Variants in RNMT observed in about 807,000 individuals in gnomAD.
RNMT encodes mRNA cap guanine-N(7) methyltransferase.
A neutral mutation model predicts 56.0 loss-of-function variants in RNMT; 27 were observed. The observed-to-expected ratio is 0.48, with a 90% CI of 0.36 to 0.67. RNMT has a LOEUF of 0.67. RNMT is among the 30% of genes least tolerant of loss of function. The probability of loss-of-function intolerance (pLI) is 0.00; values close to 1 mark genes in which losing one functional copy is unlikely to be tolerated. For synonymous variants in RNMT, 184 were observed against 176.2 expected, an observed-to-expected ratio of 1.04 and a Z score of -0.35; for missense variants, 519 against 552.1, an observed-to-expected ratio of 0.94 and a Z score of 0.60.
chr18:13,753,235 G>A (rs1261677099), intron 10 of RNMT, among the ~76,000 whole-genome samples: 3 of 152,092 alleles, frequency 2.0e-5, no homozygotes, highest in Non-Finnish European at 2.9e-5. Context: ...TTGGGAGGCC[G>A]AGGCAGGTGG....
intron 4 of RNMT, among the ~76,000 whole-genome samples, chr18:13,734,869 G>C (rs1468374164): frequency 3.9e-5 from 6 of 152,092 alleles, no homozygotes; most frequent in African/African-American, 1.4e-4. Context: ...TGGAGCAACT[G>C]CATATTGTTG....
At chr18:13,756,531 G>A (rs1455417052) in intron 11 of RNMT, among the ~76,000 whole-genome samples, 1 of 152,180 alleles carries the variant, frequency 6.6e-6, no homozygotes, top group Non-Finnish European at 1.5e-5. Flanking sequence ...GCACGCTGAT[G>A]TGTTGCAAGT....
Position 13,763,037 on chromosome 18 carries a change from C to T in RNMT, c.*3058C>T, listed in dbSNP as rs1278593972. ...CACCACAGAGGGTCTCTAGGGTCTG[C>T]AAAATAGAGGCCAAATCCAGGGACC... On this transcript the variant is annotated 3_prime_UTR_variant, in exon 12 of 12. Transcript: ENST00000383314. The T allele has an allele frequency of 2.2e-6, 1 of 455,718 alleles. No individual in the cohort carries two copies. Among genetic ancestry groups the T allele is most frequent in the Admixed American group, 2.4e-5 (1 of 42,542 alleles). 28.2% of individuals were successfully genotyped at this position (455,718 alleles called of 1,614,324 possible).
chr18:13,746,141 A>T, intron 8 of RNMT, 79 bp from the exon 9 acceptor site: 1 of 725,898 alleles, frequency 1.4e-6, no homozygotes, highest in East Asian at 2.5e-5. Flanking sequence ...AGTCCAGAAG[A>T]TGTCATTGCT....
chr18:13,762,140 G>A lies in RNMT; in HGVS notation c.*2161G>A, dbSNP rs1220747155. On this transcript the variant is annotated 3_prime_UTR_variant, in exon 12 of 12. Transcript: ENST00000383314. ...AGTGAAGTGGGGCACTCCCAGACCT[G>A]CCATGCAGTTTATCCTCTGAGAATG... 2 of 1,534,814 alleles carry A rather than the reference G, an allele frequency of 1.3e-6. No homozygotes were observed. Among genetic ancestry groups the A allele is most frequent in the East Asian group, 2.4e-5 (1 of 40,876 alleles).
At chr18:13,731,205 G>C (rs1200016267) in intron 2 of RNMT, among the ~76,000 whole-genome samples, 2 of 152,206 alleles carry the variant, frequency 1.3e-5, no homozygotes, top group East Asian at 3.9e-4. Flanking sequence ...TCAGGAGTTA[G>C]AGACCAGCCT....
intron 1 of RNMT, among the ~76,000 whole-genome samples, chr18:13,728,151 T>C (rs2043995663): frequency 6.6e-6 from 1 of 151,824 alleles, no homozygotes; most frequent in African/African-American, 2.4e-5. Flanking sequence ...AAGAAACTCA[T>C]CTCAATAGCA....
At chr18:13,727,411 A>G (rs1292567608) in intron 1 of RNMT, among the ~76,000 whole-genome samples, 1 of 152,186 alleles carries the variant, frequency 6.6e-6, no homozygotes, top group African/African-American at 2.4e-5. Context: ...TCTCTTCCCT[A>G]TGGAGTGTTT....
chr18:13,742,022 T>C (rs1438178493), intron 7 of RNMT, among the ~76,000 whole-genome samples: 1 of 152,214 alleles, frequency 6.6e-6, no homozygotes, highest in Non-Finnish European at 1.5e-5. Context: ...GTTGGTGATC[T>C]TTTAGTATAT....
In RNMT at chr18:13,741,643, G is replaced by T; in HGVS notation, c.926G>T (p.Ser309Ile). The T allele has an allele frequency of 6.2e-7, 1 of 1,613,844 alleles. No homozygotes were observed. The highest frequency in any genetic ancestry group is 8.5e-7 in the Non-Finnish European group (1 of 1,179,874). Reference sequence around the variant, plus strand: ...CTGAGAAATGCGTGTGAGAGACTTAGCCCTGGGGGCTATTTTATTGGTACT... The same window carrying T: ...CTGAGAAATGCGTGTGAGAGACTTATCCCTGGGGGCTATTTTATTGGTACT... ...MMLRNACERL[S>I]PGGYFIGTTP... The change falls in exon 7 of 12, where the codon AGC (serine) becomes ATC (isoleucine). Residue 309 changes from serine to isoleucine, a missense_variant. Coordinates refer to ENST00000383314, the MANE Select transcript of RNMT (RefSeq NM_003799.3).
intron 6 of RNMT, 45 bp downstream of exon 6, chr18:13,740,324 T>C (rs1474573065): frequency 9.6e-7 from 1 of 1,039,776 alleles, no homozygotes; most frequent in African/African-American, 1.6e-5. Flanking sequence ...CATTTTTAGT[T>C]TGGGTAAATA....
At position 13,743,329 on chromosome 18, in the gene RNMT, A is replaced by T. The variant is rs547234419; in HGVS notation, c.1139+677A>T. 6.1e-3 allele frequency among the ~76,000 whole-genome samples: 193 copies of T among 31,836 alleles called. 3 individuals carry two copies. Among genetic ancestry groups the T allele is most frequent in the Non-Finnish European group, 8.8e-3 (129 of 14,728 alleles). 20.9% of individuals were successfully genotyped at this position (31,836 alleles called of 152,430 possible). ...CAGAGCGAAACTCCGTCTCAAAAAA[A>T]AAATAAATAAATAAATAAATAAATA... On this transcript the variant is annotated intron_variant, in intron 8 of 11. Coordinates refer to ENST00000383314, the MANE Select transcript of RNMT (RefSeq NM_003799.3).
At chr18:13,744,798 C>T (rs1471630938) in intron 8 of RNMT, among the ~76,000 whole-genome samples, 1 of 152,200 alleles carries the variant, frequency 6.6e-6, no homozygotes, top group African/African-American at 2.4e-5. Context: ...GGTTTCTCCC[C>T]TTCCTTCCAC....
intron 4 of RNMT, among the ~76,000 whole-genome samples, chr18:13,735,551 C>T (rs1367152607): frequency 6.8e-6 from 1 of 147,904 alleles, no homozygotes; most frequent in Non-Finnish European, 1.5e-5. Context: ...AGTCTCTACT[C>T]ACAAGGTTCT....
At chr18:13,733,429 G>A (rs1568499019) in intron 3 of RNMT, among the ~76,000 whole-genome samples, 8 of 152,068 alleles carry the variant, frequency 5.3e-5, no homozygotes. Context: ...CCATGCTGGA[G>A]TGCGGTGGCC....
chr18:13,743,332 ATAAAT>A (rs761320827), intron 8 of RNMT, among the ~76,000 whole-genome samples: 9 of 133,924 alleles, frequency 6.7e-5, no homozygotes, highest in South Asian at 2.3e-4. Context: ...CAAAAAAAAA[ATAAAT>A]AAATAAATAA....
At chr18:13,742,146 C>T (rs2044261263) in intron 7 of RNMT, among the ~76,000 whole-genome samples, 1 of 152,120 alleles carries the variant, frequency 6.6e-6, no homozygotes, top group Non-Finnish European at 1.5e-5. Flanking sequence ...TGAGACCAGC[C>T]TGGACAACAT....
intron 8 of RNMT, among the ~76,000 whole-genome samples, chr18:13,744,159 C>CTTGTTGTTTTTTTTTTTTTTTTTTTTTT (rs2044308314): frequency 1.1e-5 from 1 of 91,398 alleles, no homozygotes; most frequent in Non-Finnish European, 2.2e-5. Flanking sequence ...TAGCGGTCTT[C>CTTGTTGTTTTTTTTTTTTTTTTTTTTTT]TTTTTTTTTT....
At position 13,742,489 on chromosome 18, in the gene RNMT, A is replaced by C. The variant is rs1247080310; in HGVS notation, c.976A>C (p.Arg326=). 1 of 1,612,332 alleles carries C rather than the reference A, an allele frequency of 6.2e-7. No homozygotes were observed. Residue 326 remains arginine, a splice_region_variant and synonymous_variant, in exon 8 of 12, where the codon AGA becomes CGA. Transcript: ENST00000383314. Reference sequence around the variant, plus strand: ...TTGGTTGGGGGATAACCTTGATAGAAGACGCCTTGAAGCTTCAGAAACAGA... The same window carrying C: ...TTGGTTGGGGGATAACCTTGATAGACGACGCCTTGAAGCTTCAGAAACAGA... ...GTTPNSFELI[R]RLEASETESF... is the part of the protein sequence containing the mutation.
Sources: gnomAD v4.1 joint callset for allele counts (sites outside exome capture counted in the v4.1 genomes callset) on GRCh38, gnomAD v4.1.1 for gene constraint, MANE v1.5 for transcripts, NCBI Gene and HGNC (gene_info 2026-07-23, HGNC 2026-07-21) for gene names.